SCEL: variants seen among roughly 807,000 people sequenced by gnomAD.
The protein encoded by SCEL is sciellin.
SCEL carries 113 observed loss-of-function variants against 117.6 expected under a neutral mutation model. The observed-to-expected ratio is 0.96, with a 90% CI of 0.83 to 1.12. The LOEUF is 1.12. Ranked by LOEUF, SCEL falls within the 50% of genes most tolerant of loss-of-function variation. The pLI, the probability that SCEL is intolerant of heterozygous loss-of-function variation, is 0.00. For missense variants in SCEL, 785 were observed against 810.8 expected (o/e 0.97, Z 0.39); for synonymous variants, 270 against 256.2 (o/e 1.05, Z -0.51).
chr13:77,576,710 C>G (rs1320760465), intron 9 of SCEL, among the ~76,000 whole-genome samples: 1 of 152,168 alleles, frequency 6.6e-6, no homozygotes, highest in East Asian at 1.9e-4. Context: ...AGCATTGACT[C>G]TCTAAATTAC....
chr13:77,581,193 T>C (rs968171394), intron 9 of SCEL, among the ~76,000 whole-genome samples: 9 of 152,188 alleles, frequency 5.9e-5, no homozygotes, highest in Non-Finnish European at 1.3e-4. Flanking sequence ...CGCAATAAAA[T>C]ATCAAAATAC....
chr13:77,552,810 G>A (rs1352135157), intron 1 of SCEL, among the ~76,000 whole-genome samples: 4 of 152,172 alleles, frequency 2.6e-5, no homozygotes, highest in African/African-American at 4.8e-5. Context: ...TTTTCTTCTA[G>A]GGTTTTTATG....
At chr13:77,588,472 G>A (rs191848486) in intron 9 of SCEL, among the ~76,000 whole-genome samples, 27 of 152,166 alleles carry the variant, frequency 1.8e-4, no homozygotes, top group African/African-American at 5.3e-4. Context: ...GGGAACACAG[G>A]GGAGTGACAT....
At chr13:77,576,392 C>G (rs2085943564) in intron 9 of SCEL, among the ~76,000 whole-genome samples, 1 of 152,196 alleles carries the variant, frequency 6.6e-6, no homozygotes, top group African/African-American at 2.4e-5. Flanking sequence ...GCTTCCTCAT[C>G]ATTTTCTATC....
chr13:77,591,493 G>C, intron 11 of SCEL, 33 bp downstream of exon 11: 1 of 1,186,484 alleles, frequency 8.4e-7, no homozygotes, highest in African/African-American at 1.5e-5. Flanking sequence ...CTATGTAACT[G>C]TAGTAATGAT....
intron 30 of SCEL, among the ~76,000 whole-genome samples, chr13:77,637,505 G>A (rs556827107): frequency 1.3e-5 from 2 of 151,582 alleles, no homozygotes; most frequent in African/African-American, 4.8e-5. Context: ...GCAGACCAAA[G>A]TGCAACTCAG....
Position 77,609,041 on chromosome 13 carries a change from TG to T in SCEL, c.1218-16del. On this transcript the variant is annotated splice_polypyrimidine_tract_variant and intron_variant, in intron 20 of 32. Transcript: ENST00000349847. ...TTCCATTTTTATTTATGATGTTTTT[TG>T]TTTTTTTGTTTGAAGTTCCAAAGAC... 1 of 1,560,594 alleles carries T rather than the reference TG, an allele frequency of 6.4e-7. No individual in the cohort carries two copies. Among genetic ancestry groups the T allele is most frequent in the Non-Finnish European group, 8.7e-7 (1 of 1,150,560 alleles).
chr13:77,547,957 T>C (rs2084087359), intron 1 of SCEL, among the ~76,000 whole-genome samples: 1 of 152,132 alleles, frequency 6.6e-6, no homozygotes, highest in Non-Finnish European at 1.5e-5. Context: ...GACTTCCCAG[T>C]TGCCTCTTCC....
At position 77,535,814 on chromosome 13, in the gene SCEL, G is replaced by T. The variant is rs1459547326; in HGVS notation, c.-30G>T. ...GTTAGCCAAAAAGTCCTGATTTTCT[G>T]CTCAATAGAGGTAAGTTGAATTATA... On this transcript the variant is annotated 5_prime_UTR_variant, in exon 1 of 33. Transcript: ENST00000349847. The T allele has an allele frequency of 6.6e-6, 1 of 152,202 alleles. No homozygotes were observed. The highest frequency in any genetic ancestry group is 1.5e-5 in the Non-Finnish European group (1 of 68,042). The allele number at this position is 152,202 out of a possible 1,614,324, so 9.4% of individuals were successfully genotyped here. A position where few individuals can be genotyped will look rare whatever the true frequency, so the allele number is the denominator to read the frequency against.
At chr13:77,610,908 AT>A (rs1469937091) in intron 22 of SCEL, among the ~76,000 whole-genome samples, 1 of 152,226 alleles carries the variant, frequency 6.6e-6, no homozygotes, top group Admixed American at 6.5e-5. Flanking sequence ...TCTAAGACAT[AT>A]CATGTTAAGT....
chr13:77,540,811 G>C (rs530228786), intron 1 of SCEL, among the ~76,000 whole-genome samples: 1 of 152,306 alleles, frequency 6.6e-6, no homozygotes, highest in East Asian at 1.9e-4. Flanking sequence ...ACCCTTGAAC[G>C]ACTTTAAGTA....
At chr13:77,593,474 C>T (rs774258366) in intron 11 of SCEL, 40 bp from the exon 12 acceptor site, 64 of 1,488,856 alleles carry the variant, frequency 4.3e-5, no homozygotes, top group Admixed American at 7.2e-5. Flanking sequence ...AAAAATAGCT[C>T]GACTATCATT....
At chr13:77,587,100 C>G (rs2086608224) in intron 9 of SCEL, among the ~76,000 whole-genome samples, 1 of 151,876 alleles carries the variant, frequency 6.6e-6, no homozygotes, top group South Asian at 2.1e-4. Context: ...TCACACAGTC[C>G]TAATCCCTAC....
chr13:77,639,916 CT>C (rs1399653312), intron 30 of SCEL, among the ~76,000 whole-genome samples: 2 of 152,200 alleles, frequency 1.3e-5, no homozygotes, highest in Non-Finnish European at 2.9e-5. Flanking sequence ...GAAAAGGATC[CT>C]TTCTTAAGGT....
chr13:77,602,179 C>T, intron 16 of SCEL, 55 bp downstream of exon 16: 1 of 1,441,202 alleles, frequency 6.9e-7, no homozygotes, highest in Non-Finnish European at 9.6e-7. Context: ...AGCTTTTTTA[C>T]CTCATTAGGA....
At position 77,612,910 on chromosome 13, in the gene SCEL, C is replaced by A; in HGVS notation, c.1357C>A (p.Leu453Ile). The change falls in exon 23 of 33, where the codon CTT becomes ATT. Residue 453 changes from leucine (L) to isoleucine (I), a missense_variant. Physicochemically the swap from Leu to Ile is conservative, Grantham distance 5. Coordinates refer to ENST00000349847, the MANE Select transcript of SCEL (RefSeq NM_144777.3). ...TTTTAGGAACCAAGACTTGGAAAAT[C>A]TTATCAAAGTGATCCCTTCAGCAAA... is the stretch of plus-strand genomic sequence containing the variant. ...TNQGNQDLENLIKVIPSANKS... is the reference protein window; with the variant it reads ...TNQGNQDLENIIKVIPSANKS... The A allele has an allele frequency of 6.4e-7, 1 of 1,560,448 alleles. No homozygotes were observed. The highest frequency in any genetic ancestry group is 1.2e-5 in the South Asian group (1 of 81,512).
At chr13:77,608,158 C>T in intron 20 of SCEL, 43 bp downstream of exon 20, 2 of 1,453,452 alleles carry the variant, frequency 1.4e-6, no homozygotes, top group Non-Finnish European at 1.9e-6. Flanking sequence ...CTTCCCCATC[C>T]ATTTGTGGCA....
chr13:77,595,262 C>A (rs1388709380), intron 12 of SCEL, among the ~76,000 whole-genome samples: 1 of 152,104 alleles, frequency 6.6e-6, no homozygotes, highest in Non-Finnish European at 1.5e-5. Flanking sequence ...GAAAAATGTT[C>A]ATGGTAGTCA....
chr13:77,642,818 ACACTCTAAGCATTT>A lies in SCEL; in HGVS notation c.2050+11_2050+24del. On this transcript the variant is annotated intron_variant, in intron 32 of 32. Coordinates refer to ENST00000349847, the MANE Select transcript of SCEL (RefSeq NM_144777.3). ...TACTCTAAAATTATGGGTAAGTGTT[ACACTCTAAGCATTT>A]AACACTTTGGTTAACCTTAATGAGC... The A allele has an allele frequency of 1.4e-6, 2 of 1,473,600 alleles. No individual in the cohort carries two copies. The highest frequency in any genetic ancestry group is 1.9e-6 in the Non-Finnish European group (2 of 1,067,024). The allele number at this position is 1,473,600 out of a possible 1,614,324, so 91.3% of individuals were successfully genotyped here. A position where few individuals can be genotyped will look rare whatever the true frequency, so the allele number is the denominator to read the frequency against.
Sources: gnomAD v4.1 joint callset for allele counts (sites outside exome capture counted in the v4.1 genomes callset) on GRCh38, gnomAD v4.1.1 for gene constraint, MANE v1.5 for transcripts, NCBI Gene and HGNC (gene_info 2026-07-23, HGNC 2026-07-21) for gene names.